The following TMEM232 variants were observed in gnomAD, a reference collection of about 807,000 sequenced individuals.
TMEM232 encodes transmembrane protein 232.
A neutral mutation model predicts 78.8 loss-of-function variants in TMEM232; 80 were observed. The ratio of observed to expected loss-of-function variants is 1.01; its 90% CI spans 0.85 to 1.22. The LOEUF (loss-of-function observed/expected upper bound fraction) is 1.22. Among genes scored for constraint, TMEM232 ranks in the 50% most tolerant of loss-of-function variants. The pLI, the probability that TMEM232 is intolerant of heterozygous loss-of-function variation, is 0.00. For missense variants in TMEM232, 881 were observed against 742.2 expected (o/e 1.19, Z -2.17); for synonymous variants, 297 against 254.3 (o/e 1.17, Z -1.60).
intron 12 of TMEM232, among the ~76,000 whole-genome samples, chr5:110,505,588 C>A (rs11747970): frequency 1.9e-3 from 288 of 152,264 alleles, no homozygotes; most frequent in Non-Finnish European, 3.5e-3. Flanking sequence ...CTCACTGCAA[C>A]CTCCACCACC....
At chr5:110,471,873 CAAAG>C (rs1490630102) in intron 12 of TMEM232, among the ~76,000 whole-genome samples, 16 of 151,802 alleles carry the variant, frequency 1.1e-4, no homozygotes, top group Admixed American at 9.8e-4. Flanking sequence ...AGAGAAGACT[CAAAG>C]AAATCAAATC....
chr5:110,736,005 G>C (rs1426483524), intron 1 of TMEM232, among the ~76,000 whole-genome samples: 1 of 152,180 alleles, frequency 6.6e-6, no homozygotes, highest in East Asian at 1.9e-4. Context: ...TTAAATTACA[G>C]AAACTATGAG....
chr5:110,497,906 A>T (rs893774407), intron 12 of TMEM232, among the ~76,000 whole-genome samples: 5 of 152,154 alleles, frequency 3.3e-5, no homozygotes, highest in African/African-American at 1.2e-4. Flanking sequence ...TTTGGACTCT[A>T]AAGAATCTAA....
intron 12 of TMEM232, among the ~76,000 whole-genome samples, chr5:110,516,207 T>TCC (rs1768618433): frequency 6.6e-6 from 1 of 152,056 alleles, no homozygotes. Context: ...CCACTGCACT[T>TCC]CAGCCTGGGC....
Position 110,638,380 on chromosome 5 carries a change from T to C in TMEM232, c.344-25A>G, listed in dbSNP as rs1479821376. The C allele has an allele frequency of 5.3e-6, 8 of 1,506,104 alleles. No individual in the cohort carries two copies. The South Asian group carries it at 7.8e-5, about 15-fold the overall frequency. 93.3% of individuals were successfully genotyped at this position (1,506,104 alleles called of 1,614,324 possible). A position where few individuals can be genotyped will look rare whatever the true frequency, so the allele number is the denominator to read the frequency against. ...TCTGAAATATTAAAAATATAGAAACTGCATCATTTGAAAATCATCCTGTTT... is the reference window on the plus strand; with the variant it reads ...TCTGAAATATTAAAAATATAGAAACCGCATCATTTGAAAATCATCCTGTTT... On this transcript the variant is annotated intron_variant, in intron 4 of 13. Transcript: ENST00000455884.
intron 2 of TMEM232, among the ~76,000 whole-genome samples, chr5:110,409,582 T>A (rs1273433083): frequency 6.6e-6 from 1 of 152,236 alleles, no homozygotes; most frequent in African/African-American, 2.4e-5. Context: ...AGTTTTCTCT[T>A]TCTGAAAGAG....
intron 12 of TMEM232, among the ~76,000 whole-genome samples, chr5:110,526,668 A>G (rs1163608030): frequency 2.6e-5 from 4 of 151,944 alleles, no homozygotes; most frequent in African/African-American, 9.7e-5. Flanking sequence ...TTACAAAGGC[A>G]TATATACTTT....
chr5:110,435,665 T>C (rs1240844170), intron 12 of TMEM232, among the ~76,000 whole-genome samples: 1 of 151,860 alleles, frequency 6.6e-6, no homozygotes, highest in African/African-American at 2.4e-5. Context: ...ATGGGTTCAA[T>C]TGTTTTGATT....
At chr5:110,659,406 G>C (rs1037676501) in intron 2 of TMEM232, among the ~76,000 whole-genome samples, 1 of 152,118 alleles carries the variant, frequency 6.6e-6, no homozygotes, top group Non-Finnish European at 1.5e-5. Flanking sequence ...TGTTGGCCAA[G>C]AAAACTCAGG....
At chr5:110,613,227 C>G (rs1208004305) in intron 8 of TMEM232, among the ~76,000 whole-genome samples, 1 of 152,090 alleles carries the variant, frequency 6.6e-6, no homozygotes, top group Admixed American at 6.6e-5. Context: ...TCAGCTGAAA[C>G]CATTTGCTTC....
intron 11 of TMEM232, among the ~76,000 whole-genome samples, chr5:110,533,842 G>A (rs969289943): frequency 6.6e-6 from 1 of 151,916 alleles, no homozygotes; most frequent in South Asian, 2.1e-4. Flanking sequence ...AGGCCTAATC[G>A]CCACACACCA....
intron 1 of TMEM232, among the ~76,000 whole-genome samples, chr5:110,722,096 T>C (rs1797707361): frequency 6.6e-6 from 1 of 152,002 alleles, no homozygotes; most frequent in South Asian, 2.1e-4. Flanking sequence ...AAGATAGAGA[T>C]GTGGTAGGGT....
At chr5:110,578,167 T>C (rs917661087) in intron 10 of TMEM232, among the ~76,000 whole-genome samples, 1 of 152,016 alleles carries the variant, frequency 6.6e-6, no homozygotes, top group Non-Finnish European at 1.5e-5. Context: ...ATTGTGATTC[T>C]AATAAATAAA....
chr5:110,733,735 T>C (rs376818481), intron 2 of TMEM232, among the ~76,000 whole-genome samples: 1 of 152,176 alleles, frequency 6.6e-6, no homozygotes, highest in African/African-American at 2.4e-5. Context: ...TATTGGGTGC[T>C]AGGCTTAGTA....
At chr5:110,492,319 C>T (rs2149422083) in intron 12 of TMEM232, among the ~76,000 whole-genome samples, 1 of 151,860 alleles carries the variant, frequency 6.6e-6, no homozygotes, top group East Asian at 1.9e-4. Context: ...TGTAACAAAA[C>T]ATAAGTAAAC....
chr5:110,393,958 C>T lies in TMEM232; in HGVS notation n.391-3318G>A, dbSNP rs1269330968. On this transcript the variant is annotated intron_variant and non_coding_transcript_variant, in intron 3 of 8. Coordinates refer to the TMEM232 transcript ENST00000507188. ...AGGTGACAAGAGTGAAACTTCATCT[C>T]AAAAAAAAAAAAAAAAAAGGAAAAT... is the stretch of plus-strand genomic sequence containing the variant. 2.3e-4 allele frequency among the ~76,000 whole-genome samples: 14 copies of T among 60,792 alleles called. No homozygotes were observed. The South Asian group carries it at 8.5e-3, about 37-fold the overall frequency. 39.9% of individuals were successfully genotyped at this position (60,792 alleles called of 152,430 possible).
chr5:110,677,146 T>C (rs915032680), intron 1 of TMEM232, among the ~76,000 whole-genome samples: 1 of 152,204 alleles, frequency 6.6e-6, no homozygotes, highest in Admixed American at 6.5e-5. Flanking sequence ...CGATTAGTGA[T>C]GCAGAGCATC....
At chr5:110,660,043 A>G (rs1457859401) in intron 2 of TMEM232, among the ~76,000 whole-genome samples, 1 of 152,218 alleles carries the variant, frequency 6.6e-6, no homozygotes, top group East Asian at 1.9e-4. Flanking sequence ...AGGAATGATA[A>G]AAGAAAGATA....
At chr5:110,508,448 T>C (rs1767220981) in intron 12 of TMEM232, among the ~76,000 whole-genome samples, 1 of 151,260 alleles carries the variant, frequency 6.6e-6, no homozygotes, top group Non-Finnish European at 1.5e-5. Context: ...CACATATATA[T>C]CTTGAGGGGT....
Sources: gnomAD v4.1 joint callset for allele counts (sites outside exome capture counted in the v4.1 genomes callset) on GRCh38, gnomAD v4.1.1 for gene constraint, MANE v1.5 for transcripts, NCBI Gene and HGNC (gene_info 2026-07-23, HGNC 2026-07-21) for gene names.